The following TTN variants were observed in gnomAD, a reference collection of about 807,000 sequenced individuals.
TTN encodes the protein titin.
In TTN, 1,525 loss-of-function variants were observed where a neutral mutation model predicts 3,223.0. The observed-to-expected ratio is 0.47, with a 90% confidence interval of 0.45 to 0.49. TTN has a LOEUF of 0.49. Among genes scored for constraint, TTN ranks in the 20% least tolerant of loss-of-function variants. TTN has a pLI of 0.00. For missense variants in TTN, 40,786 were observed against 43,424.0 expected, an observed-to-expected ratio of 0.94 and a Z score of 5.40; for synonymous variants, 14,094 against 15,161.0, an observed-to-expected ratio of 0.93 and a Z score of 5.17.
Position 178,624,446 on chromosome 2 carries a change from T to G in TTN, c.44815+19A>C. ...TAAAGAATTGCAAATGAAAAGTCCT[T>G]TGTAAGAAGAATACTTACGCACGAC... On this transcript the variant is annotated intron_variant, in intron 242 of 362. Coordinates refer to ENST00000589042, the MANE Select transcript of TTN (RefSeq NM_001267550.2). The G allele has an allele frequency of 6.2e-7, 1 of 1,610,158 alleles. No homozygotes were observed. The highest frequency in any genetic ancestry group is 8.5e-7 in the Non-Finnish European group (1 of 1,178,452).
chr2:178,532,231 T>C lies in TTN; in HGVS notation c.104384A>G (p.Lys34795Arg), dbSNP rs1689445201. ...TGATTTCTTTCTAGACTTTTCCTCC[T>C]TTGACATGAAGTCAAGTTCGCTTTT... is the stretch of plus-strand genomic sequence containing the variant. Reference protein sequence around the residue: ...EYKSELDFMSKEEKSRKKSRR... With the variant: ...EYKSELDFMSREEKSRKKSRR... Residue 34795 changes from lysine (K) to arginine (R), a missense_variant, in exon 358 of 363, where the codon AAG (lysine) becomes AGG (arginine). Transcript: ENST00000589042. The C allele has an allele frequency of 1.2e-6, 2 of 1,613,636 alleles. No individual in the cohort carries two copies. The highest frequency in any genetic ancestry group is 1.7e-5 in the Admixed American group (1 of 60,024).
At chr2:178,747,147 AAT>A (rs1299244451) in intron 47 of TTN, 1 of 1,604,126 alleles carries the variant, frequency 6.2e-7, no homozygotes, top group East Asian at 2.2e-5. Flanking sequence ...GGGGGTGTGG[AAT>A]ATCTCTCTAG....
In TTN at chr2:178,664,032, T is replaced by C. The variant is rs200513156; in HGVS notation, c.36347A>G (p.Glu12116Gly). 3.1e-3 allele frequency: 5,056 copies of C among 1,613,386 alleles called. 13 individuals are homozygous for C. Among genetic ancestry groups the C allele is most frequent in the Non-Finnish European group, 4.0e-3 (4,740 of 1,179,758 alleles). ...ACAAATACCTTTAACAGGTGGGACT[T>C]CAGGCTTTTTAGGAGGCACCACCGA... is the stretch of plus-strand genomic sequence containing the variant. ...KVSVVPPKKP[E>G]VPPVKVPEAS... The change falls in exon 169 of 363, where the codon GAA (glutamate) becomes GGA (glycine). Residue 12116 changes from glutamate (E) to glycine (G), a missense_variant. Physicochemically the swap from Glu to Gly is moderately conservative, Grantham distance 98. Transcript: ENST00000589042.
Position 178,667,653 on chromosome 2 carries a change from G to A in TTN, c.35614C>T (p.Pro11872Ser). The A allele has an allele frequency of 3.1e-6, 5 of 1,596,856 alleles. No individual in the cohort carries two copies. Among genetic ancestry groups the A allele is most frequent in the African/African-American group, 1.3e-5 (1 of 74,940 alleles). ...TGTTATATACCTTTTGCTAGTTTGG[G>A]TTTTGTCTTTTGAGGTTGAGTCACA... is the stretch of plus-strand genomic sequence containing the variant. ...VLVTQPQKTKPKLAKVPEPPK... is the reference protein window; with the variant it reads ...VLVTQPQKTKSKLAKVPEPPK... The change falls in exon 160 of 363, where the codon CCC (proline) becomes TCC (serine). Residue 11872 changes from proline to serine, a missense_variant. By Grantham distance (74) the Pro-to-Ser change is moderately conservative. Transcript: ENST00000589042.
Position 178,777,358 on chromosome 2 carries a change from A to G in TTN, c.4646-41T>C, listed in dbSNP as rs181168298. 128 of 1,613,192 alleles carry G rather than the reference A, an allele frequency of 7.9e-5. 1 individual carries two copies. In the African/African-American group the frequency reaches 1.6e-3, roughly 20 times the overall value. On this transcript the variant is annotated intron_variant, in intron 26 of 362. Coordinates refer to ENST00000589042, the MANE Select transcript of TTN (RefSeq NM_001267550.2). ...CATGATTTAGAGGGAGTAAGGCTGA[A>G]ATACCTGTTTATAACCCAAGTGATA...
At chr2:178,649,977 A>ACCAAGAAATATGTGTGG in intron 210 of TTN, 83 bp from the exon 211 acceptor site, 2 of 1,489,068 alleles carry the variant, frequency 1.3e-6, no homozygotes, top group Middle Eastern at 1.8e-4. Context: ...AACCACACAT[A>ACCAAGAAATATGTGTGG]TTTCTTGGTA....
At position 178,528,643 on chromosome 2, in the gene TTN, G is replaced by A; in HGVS notation, c.107108C>T (p.Ala35703Val). The change falls in exon 360 of 363, where the codon GCC (alanine) becomes GTC (valine). Residue 35703 changes from alanine (A) to valine (V), a missense_variant. Physicochemically the swap from Ala to Val is moderately conservative, Grantham distance 64. Coordinates refer to ENST00000589042, the MANE Select transcript of TTN (RefSeq NM_001267550.2). ...TTGAGATCTAGGCTGTGAGATGAAG[G>A]CTGGAGCATCTGAGAGTTCTTTGCT... The part of the protein sequence containing the change: ...TLSKELSDAP[A>V]FISQPRSQNI... The A allele has an allele frequency of 3.7e-6, 6 of 1,612,920 alleles. No homozygotes were observed. Among genetic ancestry groups the A allele is most frequent in the Non-Finnish European group, 5.1e-6 (6 of 1,179,380 alleles).
In TTN at chr2:178,636,914, T is replaced by C; in HGVS notation, c.40928-115A>G. 2.4e-6 allele frequency: 3 copies of C among 1,230,764 alleles called. No homozygotes were observed. Among genetic ancestry groups the C allele is most frequent in the African/African-American group, 1.5e-5 (1 of 66,176 alleles). 76.2% of individuals were successfully genotyped at this position (1,230,764 alleles called of 1,614,324 possible). ...TAAAGCAATTAGAAGACGAGAAAACTAAAGACCAGGCAATTGAAAGGCCAA... is the reference window on the plus strand; with the variant it reads ...TAAAGCAATTAGAAGACGAGAAAACCAAAGACCAGGCAATTGAAAGGCCAA... On this transcript the variant is annotated intron_variant, in intron 224 of 362. Coordinates refer to ENST00000589042, the MANE Select transcript of TTN (RefSeq NM_001267550.2). The surrounding 1 kb of genome is among the most constrained non-coding windows in gnomAD (Gnocchi z 4.3).
rs774116128 is a variant in TTN at position 178,793,442 on chromosome 2, T to C, written c.1498A>G (p.Thr500Ala). The change falls in exon 9 of 363, where the codon ACC becomes GCC. Residue 500 changes from threonine (T) to alanine (A), a missense_variant. Physicochemically the swap from Thr to Ala is moderately conservative, Grantham distance 58 (BLOSUM62 0). Coordinates refer to ENST00000589042, the MANE Select transcript of TTN (RefSeq NM_001267550.2). The stretch of plus-strand genomic sequence containing the variant: ...ACGTGCATCTGCTCTTGCTTTGTGG[T>C]AATTACTTCTTTGGTTCTTGATTTT... ...ELKSRTKEVI[T>A]TKQEQMHVTH... 1 of 1,614,164 alleles carries C rather than the reference T, an allele frequency of 6.2e-7. No individual in the cohort carries two copies.
Position 178,712,608 on chromosome 2 carries a change from T to C in TTN, c.27329-15A>G. The C allele has an allele frequency of 6.2e-7, 1 of 1,607,424 alleles. No homozygotes were observed. Among genetic ancestry groups the C allele is most frequent in the Non-Finnish European group, 8.5e-7 (1 of 1,176,274 alleles). On this transcript the variant is annotated splice_polypyrimidine_tract_variant and intron_variant, in intron 94 of 362. Coordinates refer to ENST00000589042, the MANE Select transcript of TTN (RefSeq NM_001267550.2). ...TTTGGCTGGGGCTAAAGTGACCAAA[T>C]TGAAAATATAAAATCAAACACATAT... is the stretch of plus-strand genomic sequence containing the variant.
In TTN at chr2:178,592,571, C is replaced by G; in HGVS notation, c.59434G>C (p.Gly19812Arg). ...CAAGTTACTTTTGGGAATGGCACTC[C>G]TTTGATGATGGCACTAAGTCTTAGA... ...DTLRLSAIIK[G>R]VPFPKVTWKK... is the part of the protein sequence containing the mutation. The change falls in exon 301 of 363, where the codon GGA becomes CGA. Residue 19812 changes from glycine to arginine, a missense_variant. Gly to Arg is a moderately radical substitution (Grantham distance 125). Coordinates refer to ENST00000589042, the MANE Select transcript of TTN (RefSeq NM_001267550.2). The G allele has an allele frequency of 6.8e-6, 11 of 1,613,462 alleles. No individual in the cohort carries two copies. The highest frequency in any genetic ancestry group is 5.9e-6 in the Non-Finnish European group (7 of 1,179,580).
At position 178,585,141 on chromosome 2, in the gene TTN, C is replaced by T. The variant is rs746465231; in HGVS notation, c.64603G>A (p.Gly21535Ser). Reference sequence around the variant, plus strand: ...TTCTCTGCTGTGAGGCTGTAGTAACCACTGTCTTTCCTAGTCACATCTTTT... The same window carrying T: ...TTCTCTGCTGTGAGGCTGTAGTAACTACTGTCTTTCCTAGTCACATCTTTT... ...IIKDVTRKDSGYYSLTAENSS... is the reference protein window; with the variant it reads ...IIKDVTRKDSSYYSLTAENSS... The change falls in exon 309 of 363, where the codon GGT (glycine) becomes AGT (serine). Residue 21535 changes from glycine (G) to serine (S), a missense_variant. Coordinates refer to ENST00000589042, the MANE Select transcript of TTN (RefSeq NM_001267550.2). The T allele has an allele frequency of 1.9e-6, 3 of 1,613,166 alleles. No homozygotes were observed. Among genetic ancestry groups the T allele is most frequent in the Admixed American group, 1.7e-5 (1 of 59,976 alleles).
rs1446478276 is a variant in TTN, at chr2:178,679,390, C to G, written c.33691G>C (p.Glu11231Gln). ...TTAGGAATAAGCACAGGAACTTTCT[C>G]CTCTGGCTTCTTAGGAACCTCAGGC... ...KVPEVPKKPE[E>Q]KVPVLIPKKE... Residue 11231 changes from glutamate (E) to glutamine (Q), a missense_variant, in exon 142 of 363, where the codon GAG (glutamate) becomes CAG (glutamine). Transcript: ENST00000589042. The G allele has an allele frequency of 6.2e-7, 1 of 1,612,682 alleles. No homozygotes were observed. Among genetic ancestry groups the G allele is most frequent in the South Asian group, 1.1e-5 (1 of 91,000 alleles).
intron 326 of TTN, 200 bp downstream of exon 326, chr2:178,559,111 C>A: frequency 2.3e-6 from 1 of 432,700 alleles, no homozygotes; most frequent in South Asian, 4.5e-5. Context: ...CCAATTTTAG[C>A]TACGTAAATT....
At chr2:178,748,862 T>G (rs755612595) in intron 47 of TTN, 1 of 1,612,440 alleles carries the variant, frequency 6.2e-7, no homozygotes, top group Non-Finnish European at 8.5e-7. Context: ...TTTCTCTGCC[T>G]GATACATATT....
chr2:178,774,941 G>C lies in TTN; in HGVS notation c.6770C>G (p.Thr2257Ser), dbSNP rs755999681. The C allele has an allele frequency of 1.7e-5, 28 of 1,613,666 alleles. No individual in the cohort carries two copies. In the East Asian group the frequency reaches 3.1e-4, roughly 18 times the overall value. The part of the protein sequence containing the change: ...VLVEDENVKT[T>S]AKLIVEGAVV... ...AATACCTTCAACAATAAGTTTAGCA[G>C]TCGTTTTGACATTTTCATCTTCCAC... Residue 2257 changes from threonine (T) to serine (S), a missense_variant, in exon 29 of 363, where the codon ACT becomes AGT. Coordinates refer to ENST00000589042, the MANE Select transcript of TTN (RefSeq NM_001267550.2).
Position 178,575,302 on chromosome 2 carries a change from G to T in TTN, c.70830C>A (p.Ser23610Arg), listed in dbSNP as rs12464787. 1.9e-6 allele frequency: 3 copies of T among 1,613,118 alleles called. No homozygotes were observed. The highest frequency in any genetic ancestry group is 2.2e-5 in the East Asian group (1 of 44,686). Residue 23610 changes from serine (S) to arginine (R), a missense_variant, in exon 326 of 363, where the codon AGC becomes AGA. Physicochemically the swap from Ser to Arg is moderately radical, Grantham distance 110. Transcript: ENST00000589042. The surrounding 1 kb of genome is among the most constrained non-coding windows in gnomAD (Gnocchi z 4.0). ...EYTFQVMAVNSAGRSAPRESR... is the reference protein window; with the variant it reads ...EYTFQVMAVNRAGRSAPRESR... ...TTTCTCTAGGGGCACTTCTCCCCGC[G>T]CTGTTCACTGCCATCACTTGGAAGG... is the stretch of plus-strand genomic sequence containing the variant.
At position 178,557,562 on chromosome 2, in the gene TTN, AAG is replaced by A. The variant is rs777633467; in HGVS notation, c.87707-9_87707-8del. 2.5e-6 allele frequency: 4 copies of A among 1,613,806 alleles called. No homozygotes were observed. The highest frequency in any genetic ancestry group is 1.7e-6 in the Non-Finnish European group (2 of 1,179,838). On this transcript the variant is annotated splice_polypyrimidine_tract_variant and splice_region_variant and intron_variant, in intron 328 of 362. Coordinates refer to ENST00000589042, the MANE Select transcript of TTN (RefSeq NM_001267550.2). The stretch of plus-strand genomic sequence containing the variant: ...GATGGTGGTCCAGGTGTTGCTACAA[AAG>A]AGAGAAATCCTATAGATTAGTACAG...
At chr2:178,698,797 G>C (rs1301529362) in intron 112 of TTN, 46 bp downstream of exon 112, 3 of 1,506,906 alleles carry the variant, frequency 2.0e-6, no homozygotes, top group Non-Finnish European at 2.7e-6. Flanking sequence ...TAAAAGTTTT[G>C]GCCAAGAAAA....
Sources: allele counts gnomAD v4.1 joint callset, GRCh38; gene constraint gnomAD v4.1.1; non-coding constraint Gnocchi (gnomAD v3.1); transcripts MANE v1.5; gene names NCBI Gene and HGNC (gene_info 2026-07-23, HGNC 2026-07-21).